The following DLG1 variants were observed in gnomAD, a reference collection of about 807,000 sequenced individuals.
DLG1 encodes disks large homolog 1.
In DLG1, 42 loss-of-function variants were observed where a neutral mutation model predicts 123.4. The ratio of observed to expected loss-of-function variants is 0.34; its 90% CI spans 0.27 to 0.44. The LOEUF is 0.44. Ranked by LOEUF, DLG1 falls within the 20% of genes least tolerant of loss-of-function variation. The pLI is 1.00. For missense variants in DLG1, 942 were observed against 1,082.6 expected (o/e 0.87, Z 1.82); for synonymous variants, 317 against 356.2 (o/e 0.89, Z 1.24).
chr3:197,259,606 T>C (rs768801843), intron 4 of DLG1, among the ~76,000 whole-genome samples: 1 of 152,186 alleles, frequency 6.6e-6, no homozygotes, highest in Non-Finnish European at 1.5e-5. Flanking sequence ...GAATTTTAAA[T>C]GTAAGCACGC....
At chr3:197,271,459 T>C (rs1579099649) in intron 4 of DLG1, among the ~76,000 whole-genome samples, 1 of 152,206 alleles carries the variant, frequency 6.6e-6, no homozygotes, top group Non-Finnish European at 1.5e-5. Flanking sequence ...TTCTGCTCTC[T>C]AGGAATGAAC....
At chr3:197,046,375 G>A (rs1723062856) in intron 24 of DLG1, among the ~76,000 whole-genome samples, 1 of 152,206 alleles carries the variant, frequency 6.6e-6, no homozygotes, top group African/African-American at 2.4e-5. Context: ...AACTGGGAAA[G>A]CATAAGGCTG....
At chr3:197,044,957 A>ATCTTT (rs536638898) in intron 24 of DLG1, among the ~76,000 whole-genome samples, 2 of 152,170 alleles carry the variant, frequency 1.3e-5, no homozygotes, top group African/African-American at 2.4e-5. Context: ...AGACTTGGAG[A>ATCTTT]TCTTTTCTTT....
At chr3:197,237,705 G>T (rs972981485) in intron 4 of DLG1, among the ~76,000 whole-genome samples, 1 of 152,146 alleles carries the variant, frequency 6.6e-6, no homozygotes. Context: ...TCCACTGGCC[G>T]GGGGTAGAGG....
At chr3:197,273,843 AGCTACC>A (rs1174384415) in intron 4 of DLG1, among the ~76,000 whole-genome samples, 12 of 131,452 alleles carry the variant, frequency 9.1e-5, no homozygotes, top group Non-Finnish European at 1.6e-5. Context: ...CATTTATAAT[AGCTACC>A]AAAAAAAAAA....
At position 197,156,831 on chromosome 3, in the gene DLG1, T is replaced by C. The variant is rs184234231; in HGVS notation, c.484-7035A>G. 2.8e-4 allele frequency among the ~76,000 whole-genome samples: 43 copies of C among 152,154 alleles called. No individual in the cohort carries two copies. The Middle Eastern group carries it at 0.02, about 72-fold the overall frequency. On this transcript the variant is annotated intron_variant, in intron 5 of 24. Transcript: ENST00000667157. ...AATGAGACAGAATTGAAGAAAGAAA[T>C]GGTTCTACAATAATAGCTGGAGACT... is the stretch of plus-strand genomic sequence containing the variant.
intron 14 of DLG1, among the ~76,000 whole-genome samples, chr3:197,094,625 C>T (rs1444804640): frequency 6.6e-6 from 1 of 152,146 alleles, no homozygotes; most frequent in African/African-American, 2.4e-5. Flanking sequence ...TATATACTCT[C>T]TTCCTTATAA....
rs530338512 is a variant in DLG1, at chr3:197,171,879, A to G, written c.484-22083T>C. On this transcript the variant is annotated intron_variant, in intron 5 of 24. Transcript: ENST00000667157. ...TGTGGCTAGAGAAATAAGCAAAACC[A>G]CAGACTTCATGACTAATAACCTAAA... 2.6e-5 allele frequency among the ~76,000 whole-genome samples: 4 copies of G among 152,234 alleles called. No individual in the cohort carries two copies. The East Asian group carries it at 7.7e-4, about 29-fold the overall frequency.
intron 24 of DLG1, among the ~76,000 whole-genome samples, chr3:197,045,344 C>G (rs534007122): frequency 6.6e-6 from 1 of 152,048 alleles, no homozygotes; most frequent in South Asian, 2.1e-4. Flanking sequence ...AGCTGAAGCC[C>G]CTGAGGTCTG....
chr3:197,228,993 G>A (rs1438462613), intron 4 of DLG1, among the ~76,000 whole-genome samples: 1 of 152,136 alleles, frequency 6.6e-6, no homozygotes, highest in African/African-American at 2.4e-5. Context: ...CAGGGCAATG[G>A]TTTTCAACAT....
Position 197,260,466 on chromosome 3 carries a change from T to TA in DLG1, c.318+22212dup, listed in dbSNP as rs530160114. The TA allele has an allele frequency of 1.9e-3, 394 of 203,944 alleles. 7 individuals are homozygous for TA. Among genetic ancestry groups the TA allele is most frequent in the Admixed American group, 0.015 (249 of 16,806 alleles). 12.6% of individuals were successfully genotyped at this position (203,944 alleles called of 1,614,324 possible). ...TAGAGGTAGCAATTTTTCTACTATCTAAAATACAAGAAACCAGAGTCTGTC... is the reference window on the plus strand; with the variant it reads ...TAGAGGTAGCAATTTTTCTACTATCTAAAAATACAAGAAACCAGAGTCTGTC... On this transcript the variant is annotated intron_variant, in intron 4 of 24. Coordinates refer to ENST00000667157, the MANE Select transcript of DLG1 (RefSeq NM_001366207.1).
At chr3:197,159,246 T>C (rs1047497934) in intron 5 of DLG1, among the ~76,000 whole-genome samples, 5 of 152,242 alleles carry the variant, frequency 3.3e-5, no homozygotes, top group Admixed American at 3.3e-4. Context: ...AATTCTGATT[T>C]GTAGAAGACT....
chr3:197,138,526 CAT>C (rs1406244193), intron 8 of DLG1, 135 bp from the exon 9 acceptor site: 2 of 343,690 alleles, frequency 5.8e-6, no homozygotes, highest in East Asian at 1.3e-4. Flanking sequence ...TTCCAGAAAA[CAT>C]AAATGAAGAA....
At chr3:197,260,034 G>A (rs923964735) in intron 4 of DLG1, among the ~76,000 whole-genome samples, 2 of 152,116 alleles carry the variant, frequency 1.3e-5, no homozygotes, top group East Asian at 3.9e-4. Context: ...AAGGCTTCCT[G>A]TAAATCTCAG....
At chr3:197,060,951 G>A (rs1318143182) in intron 22 of DLG1, among the ~76,000 whole-genome samples, 1 of 152,150 alleles carries the variant, frequency 6.6e-6, no homozygotes, top group African/African-American at 2.4e-5. Context: ...CAACAGGTGT[G>A]CGCCACCACA....
chr3:197,107,069 A>C (rs1457570491), intron 13 of DLG1, among the ~76,000 whole-genome samples: 1 of 152,178 alleles, frequency 6.6e-6, no homozygotes, highest in Non-Finnish European at 1.5e-5. Flanking sequence ...CTTTCTGACC[A>C]TACTGTACAT....
chr3:197,084,012 T>G (rs1235399736), intron 16 of DLG1, among the ~76,000 whole-genome samples: 2 of 151,876 alleles, frequency 1.3e-5, no homozygotes, highest in African/African-American at 4.8e-5. Context: ...TCTACCTATA[T>G]ATAATCATTA....
At chr3:197,112,750 C>T (rs1160091109) in intron 13 of DLG1, among the ~76,000 whole-genome samples, 1 of 151,886 alleles carries the variant, frequency 6.6e-6, no homozygotes, top group Non-Finnish European at 1.5e-5. Flanking sequence ...ACTACTATGT[C>T]TGGCTAATTA....
chr3:197,159,645 A>AT (rs1797985523), intron 5 of DLG1, among the ~76,000 whole-genome samples: 1 of 152,172 alleles, frequency 6.6e-6, no homozygotes, highest in African/African-American at 2.4e-5. Context: ...GGGGACGGAT[A>AT]TTTTAGTCCA....
Sources: gnomAD v4.1 joint callset for allele counts (sites outside exome capture counted in the v4.1 genomes callset) on GRCh38, gnomAD v4.1.1 for gene constraint, MANE v1.5 for transcripts, NCBI Gene and HGNC (gene_info 2026-07-23, HGNC 2026-07-21) for gene names.